DSCAM: variants seen among roughly 807,000 people sequenced by gnomAD.
DSCAM encodes DS cell adhesion molecule, also known as cell adhesion molecule DSCAM.
In DSCAM, 47 loss-of-function variants were observed where a neutral mutation model predicts 217.7. The observed-to-expected ratio is 0.22, with a 90% confidence interval of 0.17 to 0.28. The LOEUF is 0.28. Ranked by LOEUF, DSCAM falls within the 10% of genes least tolerant of loss-of-function variation. The pLI, the probability that DSCAM is intolerant of heterozygous loss-of-function variation, is 1.00. For missense variants in DSCAM, 2,080 were observed against 2,618.3 expected (o/e 0.79, Z 4.49); for synonymous variants, 1,056 against 1,015.3 (o/e 1.04, Z -0.76).
intron 3 of DSCAM, among the ~76,000 whole-genome samples, chr21:40,493,355 C>A (rs2076091173): frequency 6.6e-6 from 1 of 152,028 alleles, no homozygotes; most frequent in Non-Finnish European, 1.5e-5. Flanking sequence ...GCTGAAAGAA[C>A]ATTAATAAAC....
chr21:40,485,312 G>C (rs1320008207), intron 3 of DSCAM, among the ~76,000 whole-genome samples: 6 of 147,088 alleles, frequency 4.1e-5, no homozygotes, highest in African/African-American at 7.6e-5. Context: ...GCGCGATCTC[G>C]GCTCACTGCA....
intron 3 of DSCAM, among the ~76,000 whole-genome samples, chr21:40,443,391 C>A (rs1468106140): frequency 6.6e-6 from 1 of 152,136 alleles, no homozygotes. Flanking sequence ...ACTGTAACAT[C>A]TCTTAATTAA....
At chr21:40,269,464 G>A (rs1202895429) in intron 11 of DSCAM, among the ~76,000 whole-genome samples, 1 of 152,206 alleles carries the variant, frequency 6.6e-6, no homozygotes, top group African/African-American at 2.4e-5. Flanking sequence ...AGGGGATCTG[G>A]CCTGTGGTGG....
At chr21:40,779,976 A>C (rs1021495513) in intron 1 of DSCAM, among the ~76,000 whole-genome samples, 3 of 152,254 alleles carry the variant, frequency 2.0e-5, no homozygotes, top group Non-Finnish European at 2.9e-5. Flanking sequence ...CCTGATGTAC[A>C]GATCAAATTC....
intron 20 of DSCAM, among the ~76,000 whole-genome samples, chr21:40,112,606 G>GA (rs958306334): frequency 3.3e-5 from 5 of 151,852 alleles, no homozygotes; most frequent in African/African-American, 7.3e-5. Context: ...AAAAACCCTT[G>GA]AAAAAATCAA....
In DSCAM at chr21:40,760,116, C is replaced by T. The variant is rs556280105; in HGVS notation, c.44-51345G>A. On this transcript the variant is annotated intron_variant, in intron 1 of 32. Transcript: ENST00000400454. ...TCAAGCAACTCTTCAGCCTCAGCCT[C>T]CCGAGTAGCTGGGACTACAGGTGCA... Among the ~76,000 whole-genome samples, 22 of 152,084 alleles carry T rather than the reference C, an allele frequency of 1.4e-4. No homozygotes were observed. The South Asian group carries it at 4.6e-3, about 32-fold the overall frequency.
rs11270008 is a variant in DSCAM, at chr21:40,376,411, ATATATATCTTATATAGATATC to A, written c.509-7187_509-7167del. Among the ~76,000 whole-genome samples the A allele has an allele frequency of 9.1e-4, 126 of 139,172 alleles. 2 individuals carry two copies. Among genetic ancestry groups the A allele is most frequent in the African/African-American group, 1.7e-3 (64 of 36,734 alleles). 91.3% of individuals were successfully genotyped at this position (139,172 alleles called of 152,430 possible). On this transcript the variant is annotated intron_variant, in intron 3 of 32. Coordinates refer to ENST00000400454, the MANE Select transcript of DSCAM (RefSeq NM_001389.5). ...TAGAAGATATATATATATCTATATC[ATATATATCTTATATAGATATC>A]TATATATCTTATATAGATATCTATA...
At chr21:40,451,138 C>A (rs780433220) in intron 3 of DSCAM, among the ~76,000 whole-genome samples, 1 of 152,206 alleles carries the variant, frequency 6.6e-6, no homozygotes, top group African/African-American at 2.4e-5. Flanking sequence ...CCCCATCATC[C>A]AGAGGCTCTG....
chr21:40,493,134 A>C (rs1351217184), intron 3 of DSCAM, among the ~76,000 whole-genome samples: 1 of 152,226 alleles, frequency 6.6e-6, no homozygotes, highest in African/African-American at 2.4e-5. Flanking sequence ...TCCTTCAGAA[A>C]AGGACATAAC....
chr21:40,810,446 G>GTCT (rs1285966735), intron 1 of DSCAM, among the ~76,000 whole-genome samples: 19 of 152,176 alleles, frequency 1.2e-4, no homozygotes, highest in African/African-American at 4.6e-4. Context: ...GTTCCTGGTG[G>GTCT]GTAGTCTGGT....
chr21:40,785,490 G>T (rs775292770), intron 1 of DSCAM, among the ~76,000 whole-genome samples: 3 of 152,212 alleles, frequency 2.0e-5, no homozygotes, highest in Non-Finnish European at 4.4e-5. Context: ...GAGAATAGCA[G>T]TACAGACTTT....
intron 3 of DSCAM, among the ~76,000 whole-genome samples, chr21:40,666,153 C>T (rs924174194): frequency 6.6e-6 from 1 of 152,170 alleles, no homozygotes; most frequent in African/African-American, 2.4e-5. Flanking sequence ...GAGAAAGAAG[C>T]TTCTGTCCTC....
In DSCAM at chr21:40,644,708, C is replaced by G. The variant is rs2089923199; in HGVS notation, c.508+48102G>C. Among the ~76,000 whole-genome samples, 4 of 152,214 alleles carry G rather than the reference C, an allele frequency of 2.6e-5. No homozygotes were observed. In the South Asian group the frequency reaches 8.3e-4, roughly 32 times the overall value. ...CTGCTTGCTTGAGCCTGCTCCCACT[C>G]TGTAGAGTGTACTTTCACTTCAGTA... On this transcript the variant is annotated intron_variant, in intron 3 of 32. Transcript: ENST00000400454.
chr21:40,623,396 A>G (rs1324901842), intron 3 of DSCAM, among the ~76,000 whole-genome samples: 1 of 152,226 alleles, frequency 6.6e-6, no homozygotes, highest in African/African-American at 2.4e-5. Flanking sequence ...ATATGTACAA[A>G]TGATCCAAAC....
chr21:40,487,324 TGTGAGAGAGAGAGAGAGAGAGA>T (rs1419613467), intron 3 of DSCAM, among the ~76,000 whole-genome samples: 2 of 76,114 alleles, frequency 2.6e-5, no homozygotes, highest in East Asian at 7.5e-4. Flanking sequence ...TGTGTGTGTG[TGTGAGAGAGAGAGAGAGAGAGA>T]GAGAGAGAGA....
chr21:40,445,950 G>GA (rs1275138813), intron 3 of DSCAM, among the ~76,000 whole-genome samples: 5 of 152,148 alleles, frequency 3.3e-5, no homozygotes, highest in African/African-American at 1.2e-4. Context: ...TTCTGTATTA[G>GA]AAAAATATGT....
intron 1 of DSCAM, among the ~76,000 whole-genome samples, chr21:40,715,940 T>G (rs930740710): frequency 1.3e-5 from 2 of 152,142 alleles, no homozygotes; most frequent in Admixed American, 1.3e-4. Flanking sequence ...AAAATGTAAA[T>G]GTATACAAGA....
At chr21:40,589,972 G>C (rs747286224) in intron 3 of DSCAM, among the ~76,000 whole-genome samples, 1 of 152,120 alleles carries the variant, frequency 6.6e-6, no homozygotes, top group African/African-American at 2.4e-5. Context: ...TTTCTTTTAA[G>C]ATGTAAAAAT....
At chr21:40,245,257 G>A in intron 11 of DSCAM, among the ~76,000 whole-genome samples, 1 of 152,234 alleles carries the variant, frequency 6.6e-6, no homozygotes, top group East Asian at 1.9e-4. Flanking sequence ...TTGGTCTGGA[G>A]AGGCAGCCAG....
Sources: gnomAD v4.1 joint callset for allele counts (sites outside exome capture counted in the v4.1 genomes callset) on GRCh38, gnomAD v4.1.1 for gene constraint, MANE v1.5 for transcripts, NCBI Gene and HGNC (gene_info 2026-07-23, HGNC 2026-07-21) for gene names.